The following CENPE variants were observed in gnomAD, a reference collection of about 807,000 sequenced individuals.
CENPE encodes centromere protein E, also known as centromere-associated protein E.
CENPE carries 145 observed loss-of-function variants against 336.1 expected under a neutral mutation model. The observed-to-expected ratio is 0.43, with a 90% CI of 0.38 to 0.50. CENPE has a LOEUF of 0.50. Ranked by LOEUF, CENPE falls within the 20% of genes least tolerant of loss-of-function variation. CENPE has a pLI of 0.00. For missense variants in CENPE, 2,719 were observed against 3,023.3 expected (o/e 0.90, Z 2.36); for synonymous variants, 1,013 against 984.8 (o/e 1.03, Z -0.54).
At chr4:103,175,039 A>G (rs1269947037) in intron 15 of CENPE, 136 bp from the exon 16 acceptor site, 2 of 520,566 alleles carry the variant, frequency 3.8e-6, no homozygotes, top group African/African-American at 2.0e-5. Flanking sequence ...TTGGCAAACT[A>G]GCTAACTTAG....
intron 44 of CENPE, 48 bp from the exon 45 acceptor site, chr4:103,116,737 G>C: frequency 2.1e-6 from 2 of 939,164 alleles, no homozygotes; most frequent in South Asian, 1.6e-5. Flanking sequence ...AGGCGCTTCA[G>C]TTTCTCCAGT....
intron 42 of CENPE, among the ~76,000 whole-genome samples, chr4:103,130,351 T>C (rs1324582182): frequency 6.6e-6 from 1 of 152,194 alleles, no homozygotes; most frequent in Non-Finnish European, 1.5e-5. Flanking sequence ...TATACGAAAG[T>C]TAATAGCTTT....
At chr4:103,142,550 A>G (rs1331953673) in intron 34 of CENPE, among the ~76,000 whole-genome samples, 2 of 152,218 alleles carry the variant, frequency 1.3e-5, no homozygotes, top group African/African-American at 4.8e-5. Flanking sequence ...CTCTTAGGCC[A>G]TCATTTTCCT....
At chr4:103,160,502 A>G (rs541848431) in intron 21 of CENPE, 123 bp downstream of exon 21, 8 of 709,178 alleles carry the variant, frequency 1.1e-5, no homozygotes, top group Non-Finnish European at 1.8e-5. Flanking sequence ...TAACTAGTCA[A>G]AACGTTTACA....
chr4:103,197,069 T>TC (rs1471876158), intron 1 of CENPE, among the ~76,000 whole-genome samples: 1 of 152,136 alleles, frequency 6.6e-6, no homozygotes, highest in African/African-American at 2.4e-5. Flanking sequence ...TCTCACCCTC[T>TC]CCCCCAGTAC....
intron 21 of CENPE, 33 bp downstream of exon 21, chr4:103,160,592 A>G: frequency 6.4e-7 from 1 of 1,555,386 alleles, no homozygotes; most frequent in South Asian, 1.2e-5. Flanking sequence ...TTTTATTTCA[A>G]AATAAGGGAT....
chr4:103,109,475 T>A (rs536153475), intron 47 of CENPE, among the ~76,000 whole-genome samples: 1 of 152,302 alleles, frequency 6.6e-6, no homozygotes, highest in South Asian at 2.1e-4. Context: ...GTACCTTTCT[T>A]ACTGTAAAAT....
chr4:103,108,920 G>C lies in CENPE; in HGVS notation c.7894C>G (p.Gln2632Glu). 3 of 1,613,926 alleles carry C rather than the reference G, an allele frequency of 1.9e-6. No homozygotes were observed. The highest frequency in any genetic ancestry group is 2.5e-6 in the Non-Finnish European group (3 of 1,179,872). Residue 2632 changes from glutamine to glutamate, a missense_variant, in exon 48 of 49, where the codon CAA becomes GAA. Gln to Glu is a conservative substitution (Grantham distance 29, BLOSUM62 2). Transcript: ENST00000265148. ...GGTGATTCCTTTGGCACAGGATCTT[G>C]TAAATTCCGTTCCTTGCATTGAGAG... ...TPSQCKERNL[Q>E]DPVPKESPKS...
intron 24 of CENPE, 142 bp from the exon 25 acceptor site, chr4:103,153,392 G>A: frequency 1.6e-6 from 1 of 617,390 alleles, no homozygotes; most frequent in African/African-American, 1.8e-5. Flanking sequence ...GTAACTTTAT[G>A]AGGTAGGTAT....
At chr4:103,113,220 T>A (rs190185035) in intron 46 of CENPE, among the ~76,000 whole-genome samples, 99 of 131,172 alleles carry the variant, frequency 7.5e-4, no homozygotes, top group East Asian at 2.7e-3. Flanking sequence ...ATATATACTT[T>A]TAAGTATATG....
At chr4:103,191,634 AC>A (rs1406940886) in intron 8 of CENPE, among the ~76,000 whole-genome samples, 1 of 110,754 alleles carries the variant, frequency 9.0e-6, no homozygotes, top group Non-Finnish European at 1.7e-5. Context: ...AACATCACAC[AC>A]CGGGGCCTGT....
intron 1 of CENPE, 44 bp from the exon 2 acceptor site, chr4:103,196,894 A>G (rs373546257): frequency 1.1e-6 from 1 of 895,414 alleles, no homozygotes; most frequent in African/African-American, 1.7e-5. Context: ...CATAAAAGTC[A>G]TGTCATAGGA....
intron 8 of CENPE, among the ~76,000 whole-genome samples, chr4:103,189,213 C>T (rs1229582600): frequency 1.3e-5 from 2 of 152,154 alleles, no homozygotes; most frequent in Non-Finnish European, 2.9e-5. Context: ...ACCAGAGGTA[C>T]TAGGAGGAGC....
chr4:103,180,524 C>T, intron 12 of CENPE, 55 bp from the exon 13 acceptor site: 5 of 1,184,558 alleles, frequency 4.2e-6, no homozygotes, highest in Non-Finnish European at 5.9e-6. Flanking sequence ...AGTTTTAAAA[C>T]CTTAAAGTAG....
intron 39 of CENPE, 94 bp downstream of exon 39, chr4:103,138,257 T>C (rs1008293191): frequency 2.5e-6 from 2 of 815,518 alleles, no homozygotes; most frequent in African/African-American, 1.7e-5. Flanking sequence ...CACTATCTAT[T>C]TATTCCAGAG....
rs910020002 is a variant in CENPE, at chr4:103,160,725, A to G, written c.2186T>C (p.Leu729Pro). 3 of 1,609,074 alleles carry G rather than the reference A, an allele frequency of 1.9e-6. No homozygotes were observed. Among genetic ancestry groups the G allele is most frequent in the Non-Finnish European group, 2.5e-6 (3 of 1,177,426 alleles). Residue 729 changes from leucine to proline, a missense_variant, in exon 21 of 49, where the codon CTA (leucine) becomes CCA (proline). Transcript: ENST00000265148. ...EGKITDLQKE[L>P]NKEVEENEAL... ...TTCATTTTCTTCAACTTCTTTATTTAGTTCTTTCTGAAGATCAGTAATCTT... is the reference window on the plus strand; with the variant it reads ...TTCATTTTCTTCAACTTCTTTATTTGGTTCTTTCTGAAGATCAGTAATCTT...
chr4:103,114,284 G>A lies in CENPE; in HGVS notation c.7540+171C>T, dbSNP rs185111109. Among the ~76,000 whole-genome samples, 715 of 152,166 alleles carry A rather than the reference G, an allele frequency of 4.7e-3. 29 individuals carry two copies. Among genetic ancestry groups the A allele is most frequent in the Non-Finnish European group, 1.2e-3 (84 of 67,990 alleles). ...ATAAGCATCTAAGATTACAACAAAC[G>A]ATGTCACAAGATATCTGGAAATATG... On this transcript the variant is annotated intron_variant, in intron 46 of 48. Coordinates refer to ENST00000265148, the MANE Select transcript of CENPE (RefSeq NM_001813.3).
Position 103,142,880 on chromosome 4 carries a change from C to T in CENPE, c.5304+368G>A, listed in dbSNP as rs114087689. ...AAAATTAGCTGGGTGTGATGACATG[C>T]ATCTGTAATCCTAGTTACTTGGGAG... On this transcript the variant is annotated intron_variant, in intron 34 of 48. Coordinates refer to ENST00000265148, the MANE Select transcript of CENPE (RefSeq NM_001813.3). 6.5e-3 allele frequency among the ~76,000 whole-genome samples: 993 copies of T among 151,726 alleles called. 5 individuals carry two copies. Among genetic ancestry groups the T allele is most frequent in the Non-Finnish European group, 0.012 (833 of 67,924 alleles).
At chr4:103,162,263 A>G (rs1301791722) in intron 18 of CENPE, among the ~76,000 whole-genome samples, 1 of 152,102 alleles carries the variant, frequency 6.6e-6, no homozygotes, top group East Asian at 1.9e-4. Context: ...CTCAACTGAA[A>G]ACAGAAGAAC....
Sources: allele counts gnomAD v4.1 joint callset (sites outside exome capture counted in the v4.1 genomes callset), GRCh38; gene constraint gnomAD v4.1.1; transcripts MANE v1.5; gene names NCBI Gene and HGNC (gene_info 2026-07-23, HGNC 2026-07-21).